The following MAN2B2 variants were observed in gnomAD, a reference collection of about 807,000 sequenced individuals.
MAN2B2 encodes epididymis-specific alpha-mannosidase.
A neutral mutation model predicts 117.1 loss-of-function variants in MAN2B2; 106 were observed. The observed-to-expected ratio is 0.90, with a 90% CI of 0.77 to 1.06. The LOEUF (loss-of-function observed/expected upper bound fraction) is 1.06. MAN2B2 is among the 50% of genes least tolerant of loss of function. MAN2B2 has a pLI of 0.00. For synonymous variants in MAN2B2, 544 were observed against 595.1 expected, an observed-to-expected ratio of 0.91 and a Z score of 1.25; for missense variants, 1,326 against 1,381.4, an observed-to-expected ratio of 0.96 and a Z score of 0.64.
chr4:6,575,275 A>AGCGCCAGGG lies in MAN2B2; in HGVS notation c.66_67insCGCCAGGGG (p.Gln22_Ser23insArgGlnGly). 1 of 1,557,134 alleles carries AGCGCCAGGG rather than the reference A, an allele frequency of 6.4e-7. No individual in the cohort carries two copies. The highest frequency in any genetic ancestry group is 8.6e-7 in the Non-Finnish European group (1 of 1,156,926). On this transcript the variant is annotated inframe_insertion, in exon 1 of 19. Transcript: ENST00000285599. ...CTGTTGCTGCGACCGCCAGGGGTCCAGTCCGCCGGCCCCATCCGGGCCTTC... is the reference window on the plus strand; with the variant it reads ...CTGTTGCTGCGACCGCCAGGGGTCCAGCGCCAGGGGTCCGCCGGCCCCATCCGGGCCTTC...
intron 11 of MAN2B2, among the ~76,000 whole-genome samples, chr4:6,605,937 ATG>A (rs1727529162): frequency 6.6e-6 from 1 of 151,994 alleles, no homozygotes; most frequent in Non-Finnish European, 1.5e-5. Flanking sequence ...TCATTCATTC[ATG>A]TATTCATTCA....
At position 6,605,194 on chromosome 4, in the gene MAN2B2, C is replaced by T. The variant is rs139772656; in HGVS notation, c.1679C>T (p.Ala560Val). Reference sequence around the variant, plus strand: ...ACCCAGGAGCCGGCTGCCACTGTGGCGAGCACCCTTCAATTTGGCCGCAGG... The same window carrying T: ...ACCCAGGAGCCGGCTGCCACTGTGGTGAGCACCCTTCAATTTGGCCGCAGG... ...EGTQEPAATV[A>V]STLQFGRRLR... Residue 560 changes from alanine to valine, a missense_variant, in exon 11 of 19, where the codon GCG becomes GTG. By Grantham distance (64) the Ala-to-Val change is moderately conservative. Coordinates refer to ENST00000285599, the MANE Select transcript of MAN2B2 (RefSeq NM_015274.3). 23 of 1,614,096 alleles carry T rather than the reference C, an allele frequency of 1.4e-5. No individual in the cohort carries two copies. The highest frequency in any genetic ancestry group is 1.7e-5 in the Non-Finnish European group (20 of 1,180,044).
intron 2 of MAN2B2, 91 bp from the exon 3 acceptor site, chr4:6,578,302 G>T: frequency 2.2e-6 from 2 of 893,948 alleles, no homozygotes; most frequent in Admixed American, 2.0e-5. Context: ...TTTATGCAGG[G>T]CGTGTGTGGC....
At chr4:6,617,132 T>C (rs1711917744) in intron 16 of MAN2B2, among the ~76,000 whole-genome samples, 1 of 152,030 alleles carries the variant, frequency 6.6e-6, no homozygotes, top group African/African-American at 2.4e-5. Flanking sequence ...TTATTCACTA[T>C]CACAAGAACA....
At chr4:6,610,234 G>A (rs564087905) in intron 13 of MAN2B2, among the ~76,000 whole-genome samples, 184 bp downstream of exon 13, 13 of 152,124 alleles carry the variant, frequency 8.5e-5, no homozygotes, top group African/African-American at 2.9e-4. Flanking sequence ...TTGGCTCACT[G>A]CAACCTCTGC....
chr4:6,600,255 C>T (rs1727275133), intron 9 of MAN2B2, among the ~76,000 whole-genome samples: 1 of 152,196 alleles, frequency 6.6e-6, no homozygotes, highest in Non-Finnish European at 1.5e-5. Context: ...GCTTTGCAGC[C>T]AGGCCTTAGA....
In MAN2B2 at chr4:6,607,215, T is replaced by G. The variant is rs116009945; in HGVS notation, c.1814+1886T>G. Among the ~76,000 whole-genome samples, 560 of 152,304 alleles carry G rather than the reference T, an allele frequency of 3.7e-3. 2 individuals are homozygous for G. The highest frequency in any genetic ancestry group is 7.3e-3 in the Admixed American group (111 of 15,286). On this transcript the variant is annotated intron_variant, in intron 11 of 18. Transcript: ENST00000285599. ...TTTTTCCCCCTTTTTATTGATTGAT[T>G]GATTGATTGAGAGAGTCTCACTCTG...
chr4:6,609,256 T>C lies in MAN2B2; in HGVS notation c.1964T>C (p.Val655Ala). Residue 655 changes from valine to alanine, a missense_variant, in exon 12 of 19, where the codon GTG (valine) becomes GCG (alanine). Physicochemically the swap from Val to Ala is moderately conservative, Grantham distance 64. Coordinates refer to ENST00000285599, the MANE Select transcript of MAN2B2 (RefSeq NM_015274.3). ...TGGGAAGCTGTGGAAATGGAGATTG[T>C]GGCGGGACAGCTTGTGACTGAGATC... ...PAWEAVEMEIVAGQLVTEIRQ... is the reference protein window; with the variant it reads ...PAWEAVEMEIAAGQLVTEIRQ... 2 of 1,614,164 alleles carry C rather than the reference T, an allele frequency of 1.2e-6. No individual in the cohort carries two copies. Among genetic ancestry groups the C allele is most frequent in the Non-Finnish European group, 1.7e-6 (2 of 1,180,024 alleles).
At position 6,594,532 on chromosome 4, in the gene MAN2B2, A is replaced by C; in HGVS notation, c.859-2A>C. The C allele has an allele frequency of 1.9e-6, 3 of 1,612,470 alleles. No individual in the cohort carries two copies. The Admixed American group carries it at 5.0e-5, about 27-fold the overall frequency. The stretch of plus-strand genomic sequence containing the variant: ...CAGGATGTTGCTCCCATGTCCCTGC[A>C]GGGATGTGACAAGCAGTTCTTCAAT... On this transcript the variant is annotated splice_acceptor_variant, in intron 6 of 18. Transcript: ENST00000285599. LOFTEE classifies it high-confidence loss of function.
At chr4:6,594,225 C>G (rs988452525) in intron 6 of MAN2B2, among the ~76,000 whole-genome samples, 3 of 152,138 alleles carry the variant, frequency 2.0e-5, no homozygotes, top group African/African-American at 7.2e-5. Flanking sequence ...GGCAGATCAC[C>G]TGAGGTCAGG....
chr4:6,610,010 G>A lies in MAN2B2; in HGVS notation c.2219G>A (p.Arg740Gln), dbSNP rs754192369. 1.2e-5 allele frequency: 20 copies of A among 1,614,136 alleles called. No homozygotes were observed. The highest frequency in any genetic ancestry group is 1.1e-4 in the South Asian group (10 of 91,088). ...GACAACAACGGCTACCAGATGCAGC[G>A]GAGGCCCTACGTTTCCTATGTGAAC... Reference protein sequence around the residue: ...YSDNNGYQMQRRPYVSYVNNS... With the variant: ...YSDNNGYQMQQRPYVSYVNNS... Residue 740 changes from arginine to glutamine, a missense_variant, in exon 13 of 19, where the codon CGG (arginine) becomes CAG (glutamine). Coordinates refer to ENST00000285599, the MANE Select transcript of MAN2B2 (RefSeq NM_015274.3).
At chr4:6,608,900 T>C (rs1416906611) in intron 11 of MAN2B2, among the ~76,000 whole-genome samples, 1 of 152,168 alleles carries the variant, frequency 6.6e-6, no homozygotes, top group African/African-American at 2.4e-5. Flanking sequence ...CGTCTCCTCG[T>C]TTGTGACCCA....
intron 2 of MAN2B2, 30 bp downstream of exon 2, chr4:6,576,754 C>A: frequency 6.2e-7 from 1 of 1,609,982 alleles, no homozygotes. Context: ...ACACAGTTGG[C>A]CCAGTATCCT....
chr4:6,595,610 A>G (rs1727047740), intron 7 of MAN2B2, among the ~76,000 whole-genome samples: 1 of 152,256 alleles, frequency 6.6e-6, no homozygotes, highest in South Asian at 2.1e-4. Flanking sequence ...TCCCAGTCCC[A>G]TGACAATGAC....
At chr4:6,614,400 G>A (rs371015594) in intron 16 of MAN2B2, 45 bp downstream of exon 16, 227 of 1,599,684 alleles carry the variant, frequency 1.4e-4, no homozygotes, top group Non-Finnish European at 1.9e-4. Context: ...CTCCCTCCCT[G>A]AGTCAAACAG....
At chr4:6,591,200 C>T (rs1726846824) in intron 5 of MAN2B2, among the ~76,000 whole-genome samples, 1 of 152,032 alleles carries the variant, frequency 6.6e-6, no homozygotes, top group Non-Finnish European at 1.5e-5. Flanking sequence ...GCCTGGAGAC[C>T]CTTGGGAATA....
chr4:6,579,721 A>G (rs1007104272), intron 3 of MAN2B2, among the ~76,000 whole-genome samples: 6 of 151,768 alleles, frequency 4.0e-5, no homozygotes, highest in African/African-American at 1.5e-4. Context: ...CATTACTACC[A>G]TCCCCTCCAC....
intron 8 of MAN2B2, among the ~76,000 whole-genome samples, chr4:6,597,677 CA>C (rs1482034278): frequency 6.6e-6 from 1 of 152,224 alleles, no homozygotes; most frequent in African/African-American, 2.4e-5. Context: ...ACAATGAGAA[CA>C]ACGAGCTTGC....
At chr4:6,608,226 C>T (rs1255125862) in intron 11 of MAN2B2, among the ~76,000 whole-genome samples, 1 of 152,116 alleles carries the variant, frequency 6.6e-6, no homozygotes, top group African/African-American at 2.4e-5. Context: ...TTAAAAGGAT[C>T]GTGCGGGGAA....
Sources: allele counts gnomAD v4.1 joint callset (sites outside exome capture counted in the v4.1 genomes callset), GRCh38; gene constraint gnomAD v4.1.1; transcripts MANE v1.5; gene names NCBI Gene and HGNC (gene_info 2026-07-23, HGNC 2026-07-21).